FNBP4: variants seen among roughly 807,000 people sequenced by gnomAD.
FNBP4 encodes the protein formin-binding protein 4.
In FNBP4, 34 loss-of-function variants were observed where a neutral mutation model predicts 119.3. The ratio of observed to expected loss-of-function variants is 0.28; its 90% CI spans 0.22 to 0.38. The LOEUF is 0.38. Among genes scored for constraint, FNBP4 ranks in the 10% least tolerant of loss-of-function variants. FNBP4 has a pLI of 1.00. For synonymous variants in FNBP4, 462 were observed against 430.6 expected, an observed-to-expected ratio of 1.07 and a Z score of -0.90; for missense variants, 1,112 against 1,228.9, an observed-to-expected ratio of 0.90 and a Z score of 1.42.
chr11:47,755,767 G>A (rs1287693566), intron 2 of FNBP4, among the ~76,000 whole-genome samples: 1 of 151,622 alleles, frequency 6.6e-6, no homozygotes, highest in African/African-American at 2.4e-5. Context: ...CTCCAGCCAG[G>A]GTGACAAAGT....
At chr11:47,754,406 G>A in intron 3 of FNBP4, 122 bp downstream of exon 3, 1 of 910,830 alleles carries the variant, frequency 1.1e-6, no homozygotes, top group Non-Finnish European at 1.7e-6. Flanking sequence ...ATACAAGAGA[G>A]TGTTGGAGGG....
intron 2 of FNBP4, among the ~76,000 whole-genome samples, chr11:47,762,034 C>A (rs1284232067): frequency 6.6e-6 from 1 of 151,808 alleles, no homozygotes; most frequent in African/African-American, 2.4e-5. Flanking sequence ...GACGGGGTTT[C>A]TCCGTGCTGG....
chr11:47,739,617 A>C (rs1020901718), intron 8 of FNBP4, among the ~76,000 whole-genome samples: 3 of 152,208 alleles, frequency 2.0e-5, no homozygotes, highest in African/African-American at 7.2e-5. Context: ...AGGTTAACAA[A>C]TGCATATAAT....
At chr11:47,749,184 C>T (rs536815096) in intron 6 of FNBP4, among the ~76,000 whole-genome samples, 4 of 152,194 alleles carry the variant, frequency 2.6e-5, no homozygotes, top group African/African-American at 9.6e-5. Flanking sequence ...TGAGGCAGGA[C>T]TGCTTGAGCT....
intron 12 of FNBP4, chr11:47,725,638 G>T: frequency 3.2e-6 from 1 of 308,592 alleles, no homozygotes; most frequent in Non-Finnish European, 4.7e-6. Context: ...AAAAGTTGCA[G>T]GATCAGCTTT....
intron 2 of FNBP4, among the ~76,000 whole-genome samples, chr11:47,760,259 A>ATTT (rs199885568): frequency 1.6e-5 from 2 of 127,914 alleles, no homozygotes; most frequent in Non-Finnish European, 1.6e-5. Context: ...TTGATCAAAC[A>ATTT]TTTTTTTTTT....
intron 9 of FNBP4, among the ~76,000 whole-genome samples, chr11:47,734,427 G>A (rs1174920823): frequency 6.6e-6 from 1 of 152,012 alleles, no homozygotes; most frequent in Non-Finnish European, 1.5e-5. Flanking sequence ...CTATTGCCCA[G>A]GATGCTCCTG....
rs899318357 is a variant in FNBP4 at position 47,731,752 on chromosome 11, A to G, written c.1821-191T>C. On this transcript the variant is annotated intron_variant, in intron 11 of 16. Coordinates refer to ENST00000263773, the MANE Select transcript of FNBP4 (RefSeq NM_015308.5). Reference sequence around the variant, plus strand: ...CCAAGGATAATTCAAAGCTATTTGCACTGCCAGCAACTCTGTGAATACAGC... The same window carrying G: ...CCAAGGATAATTCAAAGCTATTTGCGCTGCCAGCAACTCTGTGAATACAGC... 5.2e-6 allele frequency: 7 copies of G among 1,349,370 alleles called. No individual in the cohort carries two copies. In the African/African-American group the frequency reaches 1.1e-4, roughly 20 times the overall value. 83.6% of individuals were successfully genotyped at this position (1,349,370 alleles called of 1,614,324 possible).
Position 47,746,234 on chromosome 11 carries a change from T to C in FNBP4, c.1067A>G (p.Lys356Arg), listed in dbSNP as rs767713162. ...TTCTTCTACTGTTGTACTTGTTTCTTTTACTTCTGAAACTGGCTCCTCTTT... is the reference window on the plus strand; with the variant it reads ...TTCTTCTACTGTTGTACTTGTTTCTCTTACTTCTGAAACTGGCTCCTCTTT... The part of the protein sequence containing the change: ...ICKEEPVSEV[K>R]ETSTTVEEAT... Residue 356 changes from lysine (K) to arginine (R), a missense_variant, in exon 7 of 17, where the codon AAA becomes AGA. Physicochemically the swap from Lys to Arg is conservative, Grantham distance 26 (BLOSUM62 2). This residue lies in a region of FNBP4 where 826 missense variants were observed against 988.8 expected (regional missense o/e 0.84). Coordinates refer to ENST00000263773, the MANE Select transcript of FNBP4 (RefSeq NM_015308.5). 3.1e-6 allele frequency: 5 copies of C among 1,614,192 alleles called. No homozygotes were observed. The highest frequency in any genetic ancestry group is 3.4e-6 in the Non-Finnish European group (4 of 1,180,036).
rs2097567287 is a variant in FNBP4, at chr11:47,731,430, A to G, written c.1952T>C (p.Leu651Ser). 1 of 1,613,808 alleles carries G rather than the reference A, an allele frequency of 6.2e-7. No individual in the cohort carries two copies. The highest frequency in any genetic ancestry group is 1.3e-5 in the African/African-American group (1 of 74,896). The change falls in exon 12 of 17, where the codon TTG becomes TCG. Residue 651 changes from leucine (L) to serine (S), a missense_variant. By Grantham distance (145) the Leu-to-Ser change is moderately radical. Around this residue, in one of 2 missense-constraint regions of FNBP4, gnomAD observed 826 missense variants for 988.8 expected, o/e 0.84. Transcript: ENST00000263773. ...NRDETLAKQT[L>S]KDKTGTDSNS... ...TGAATCAGTGCCAGTTTTGTCTTTCAAGGTCTGTTTGGCAAGAGTCTCATC... is the reference window on the plus strand; with the variant it reads ...TGAATCAGTGCCAGTTTTGTCTTTCGAGGTCTGTTTGGCAAGAGTCTCATC...
chr11:47,733,703 T>G (rs2097570221), intron 10 of FNBP4, among the ~76,000 whole-genome samples: 1 of 152,146 alleles, frequency 6.6e-6, no homozygotes, highest in Non-Finnish European at 1.5e-5. Context: ...GCCCTGCCAT[T>G]TTGTAAAGTA....
chr11:47,731,587 G>A lies in FNBP4; in HGVS notation c.1821-26C>T, dbSNP rs757315296. ...CTAAATTACAAGAAAGAAAACACAT[G>A]TTTTAAAACCCGTTCTCCTACAAAG... is the stretch of plus-strand genomic sequence containing the variant. On this transcript the variant is annotated intron_variant, in intron 11 of 16. Coordinates refer to ENST00000263773, the MANE Select transcript of FNBP4 (RefSeq NM_015308.5). 1.4e-5 allele frequency: 22 copies of A among 1,587,198 alleles called. 1 individual carries two copies. In the East Asian group the frequency reaches 4.5e-4, roughly 33 times the overall value.
chr11:47,732,744 C>G lies in FNBP4; in HGVS notation c.1687-74G>C. 1 of 1,414,294 alleles carries G rather than the reference C, an allele frequency of 7.1e-7. No homozygotes were observed. The highest frequency in any genetic ancestry group is 1.0e-6 in the Non-Finnish European group (1 of 1,004,296). 87.6% of individuals were successfully genotyped at this position (1,414,294 alleles called of 1,614,324 possible). ...AGACACAGGCAAAGGGGATATAAAC[C>G]TTCTGCTCCAAGACTATATCCCTGT... is the stretch of plus-strand genomic sequence containing the variant. On this transcript the variant is annotated intron_variant, in intron 10 of 16. Coordinates refer to ENST00000263773, the MANE Select transcript of FNBP4 (RefSeq NM_015308.5). The surrounding 1 kb of genome is among the most constrained non-coding windows in gnomAD (Gnocchi z 4.2).
At chr11:47,717,902 G>A (rs1424546137) in intron 16 of FNBP4, among the ~76,000 whole-genome samples, 1 of 150,636 alleles carries the variant, frequency 6.6e-6, no homozygotes, top group Non-Finnish European at 1.5e-5. Context: ...ACAGGCATGT[G>A]CAACCATGCC....
chr11:47,763,382 G>A (rs12802754), intron 2 of FNBP4, among the ~76,000 whole-genome samples: 3 of 146,160 alleles, frequency 2.1e-5, no homozygotes, highest in Non-Finnish European at 4.5e-5. Context: ...GGAGGCAGAG[G>A]TTGCAGTGAG....
chr11:47,752,805 T>G (rs2135237348), intron 4 of FNBP4, 111 bp downstream of exon 4: 1 of 1,036,096 alleles, frequency 9.7e-7, no homozygotes, highest in Non-Finnish European at 1.4e-6. Flanking sequence ...CAGAGCGAGA[T>G]TCCATCTCAA....
At chr11:47,761,185 A>C (rs2097633510) in intron 2 of FNBP4, among the ~76,000 whole-genome samples, 1 of 152,252 alleles carries the variant, frequency 6.6e-6, no homozygotes, top group Non-Finnish European at 1.5e-5. Context: ...CATAAAATAC[A>C]TACAAAATTT....
intron 2 of FNBP4, among the ~76,000 whole-genome samples, chr11:47,761,051 C>A (rs148576910): frequency 6.6e-6 from 1 of 152,084 alleles, no homozygotes; most frequent in East Asian, 1.9e-4. Context: ...AAACAGTGGA[C>A]TGGCAAAGCA....
At chr11:47,759,814 G>A (rs572752384) in intron 2 of FNBP4, among the ~76,000 whole-genome samples, 25 of 152,204 alleles carry the variant, frequency 1.6e-4, no homozygotes, top group African/African-American at 6.0e-4. Flanking sequence ...GGAGCTGGGC[G>A]TGGTGGCAGG....
Sources: gnomAD v4.1 joint callset for allele counts (sites outside exome capture counted in the v4.1 genomes callset) on GRCh38, gnomAD v4.1.1 for gene constraint, gnomAD v4.1.1 regional missense constraint, Gnocchi (gnomAD v3.1) non-coding constraint, MANE v1.5 for transcripts, NCBI Gene and HGNC (gene_info 2026-07-23, HGNC 2026-07-21) for gene names.